The following MED16 variants were observed in gnomAD, a reference collection of about 807,000 sequenced individuals.
MED16 encodes the protein mediator of RNA polymerase II transcription subunit 16.
Under a neutral mutation model 84.4 loss-of-function variants are expected in MED16, and 81 were observed. The observed-to-expected ratio is 0.96, with a 90% CI of 0.80 to 1.15. The LOEUF is 1.15. Among genes scored for constraint, MED16 ranks in the 50% most tolerant of loss-of-function variants. The probability of loss-of-function intolerance (pLI) is 0.00; values close to 1 mark genes in which losing one functional copy is unlikely to be tolerated. For missense variants in MED16, 1,585 were observed against 1,245.9 expected, an observed-to-expected ratio of 1.27 and a Z score of -4.10; for synonymous variants, 897 against 552.2, an observed-to-expected ratio of 1.62 and a Z score of -8.76.
chr19:878,227 G>A (rs373989880), intron 8 of MED16, among the ~76,000 whole-genome samples: 1 of 71,202 alleles, frequency 1.4e-5, no homozygotes, highest in Admixed American at 1.6e-4. Context: ...GGTTGTCAAT[G>A]CCCACCAGCC....
In MED16 at chr19:883,540, G is replaced by T. The variant is rs145715055; in HGVS notation, c.985+1363C>A. 1.7e-4 allele frequency among the ~76,000 whole-genome samples: 26 copies of T among 152,252 alleles called. No homozygotes were observed. In the East Asian group the frequency reaches 5.0e-3, roughly 29 times the overall value. ...GATGGGTGCGGTGGGGACTGTCCCA[G>T]TGACCCCCAGCTGCCAGGGATGTGA... On this transcript the variant is annotated intron_variant, in intron 6 of 15. Transcript: ENST00000325464.
chr19:871,408 C>T (rs553245749), intron 12 of MED16, among the ~76,000 whole-genome samples, 155 bp from the exon 13 acceptor site: 19 of 152,170 alleles, frequency 1.2e-4, no homozygotes, highest in East Asian at 1.9e-4. Flanking sequence ...CTCACCAGGT[C>T]GGGGCCCCGG....
chr19:880,966 G>A (rs966054974), intron 7 of MED16, among the ~76,000 whole-genome samples: 1 of 151,876 alleles, frequency 6.6e-6, no homozygotes. Flanking sequence ...GGAAAATGGA[G>A]CATAAACCAA....
At chr19:874,961 G>C (rs1320123424) in intron 10 of MED16, among the ~76,000 whole-genome samples, 1 of 151,228 alleles carries the variant, frequency 6.6e-6, no homozygotes, top group Non-Finnish European at 1.5e-5. Flanking sequence ...TCAAGAGTTC[G>C]AGACCAGCCT....
At position 880,063 on chromosome 19, in the gene MED16, C is replaced by T. The variant is rs762043487; in HGVS notation, c.1227G>A (p.Ala409=). ...LQTMAVFYSS[A]APRPVDEPAM... is the part of the protein sequence containing the mutation. ...CCGGCTCATCCACAGGCCTCGGGGC[C>T]GCGGAGCTGTAGAAGACGGCCATGG... is the stretch of plus-strand genomic sequence containing the variant. Residue 409 remains alanine (A), a synonymous_variant, in exon 8 of 16, where the codon GCG becomes GCA. Coordinates refer to ENST00000325464, the MANE Select transcript of MED16 (RefSeq NM_005481.3). 6.8e-6 allele frequency: 11 copies of T among 1,611,096 alleles called. No individual in the cohort carries two copies. Among genetic ancestry groups the T allele is most frequent in the African/African-American group, 5.3e-5 (4 of 74,912 alleles).
At position 878,733 on chromosome 19, in the gene MED16, A is replaced by G. The variant is rs867157722; in HGVS notation, c.1353+1204T>C. 9.4e-3 allele frequency among the ~76,000 whole-genome samples: 1,020 copies of G among 108,038 alleles called. 3 individuals are homozygous for G. The highest frequency in any genetic ancestry group is 0.023 in the South Asian group (70 of 3,028). 70.9% of individuals were successfully genotyped at this position (108,038 alleles called of 152,430 possible). On this transcript the variant is annotated intron_variant, in intron 8 of 15. Coordinates refer to ENST00000325464, the MANE Select transcript of MED16 (RefSeq NM_005481.3). ...CGCCTTCCCCTGGTTGTCAATCCCC[A>G]CCAGGGCCAGCCCCACGTGCCCCAG...
At chr19:878,026 C>A (rs1190566903) in intron 8 of MED16, among the ~76,000 whole-genome samples, 1 of 77,768 alleles carries the variant, frequency 1.3e-5, no homozygotes. Flanking sequence ...CCCACCAGCC[C>A]CAGCCCCAGC....
intron 9 of MED16, among the ~76,000 whole-genome samples, chr19:876,206 G>A (rs903464844): frequency 1.3e-5 from 2 of 152,134 alleles, no homozygotes; most frequent in African/African-American, 2.4e-5. Flanking sequence ...AAGCTCAGAG[G>A]GCTGGTCCCA....
intron 8 of MED16, among the ~76,000 whole-genome samples, chr19:879,172 C>T (rs1400398621): frequency 7.2e-4 from 105 of 145,140 alleles, no homozygotes; most frequent in Admixed American, 1.3e-3. Context: ...AGCTCGCCTT[C>T]CCCTGGTTGT....
rs1264537924 is a variant in MED16 at position 892,949 on chromosome 19, C to T, written c.-19+137G>A. ...GCCCCGCGCCCCGCGCCCCAGGCCG[C>T]CTACCCAGCAGCCTTTGCTCCCGGC... On this transcript the variant is annotated intron_variant, in intron 1 of 15. Coordinates refer to ENST00000325464, the MANE Select transcript of MED16 (RefSeq NM_005481.3). 3.3e-5 allele frequency: 5 copies of T among 152,188 alleles called. No homozygotes were observed. In the South Asian group the frequency reaches 8.9e-4, roughly 27 times the overall value. The allele number at this position is 152,188 out of a possible 1,614,324, so 9.4% of individuals were successfully genotyped here.
intron 3 of MED16, 90 bp downstream of exon 3, chr19:890,047 G>T: frequency 9.8e-7 from 1 of 1,024,618 alleles, no homozygotes; most frequent in Middle Eastern, 3.1e-4. Flanking sequence ...TAGACCCAGC[G>T]CCGGACTCCA....
chr19:885,624 T>C, intron 5 of MED16, 146 bp downstream of exon 5: 1 of 959,290 alleles, frequency 1.0e-6, no homozygotes, highest in Non-Finnish European at 1.5e-6. Context: ...AAATGGGTTC[T>C]CCCCTGGAGC....
At chr19:868,973 G>T (rs2035983518) in intron 13 of MED16, 27 bp from the exon 14 acceptor site, 2 of 1,523,146 alleles carry the variant, frequency 1.3e-6, no homozygotes, top group African/African-American at 1.4e-5. Flanking sequence ...GAACGTGAGG[G>T]AGGCCTGGGC....
intron 12 of MED16, chr19:871,520 T>TGCCTCACAGCAGATCCAGAGC: frequency 6.4e-7 from 1 of 1,556,146 alleles, no homozygotes; most frequent in East Asian, 2.3e-5. Flanking sequence ...GCACTGTGCC[T>TGCCTCACAGCAGATCCAGAGC]TTTCCAGACA....
In MED16 at chr19:882,899, C is replaced by T. The variant is rs74394387; in HGVS notation, c.986-1185G>A. On this transcript the variant is annotated intron_variant, in intron 6 of 15. Transcript: ENST00000325464. ...ACCCGTATAGGGGTCCTGTGAGCAG[C>T]ATTCCCTGGGGGGAAACAGGCCCAG... Among the ~76,000 whole-genome samples the T allele has an allele frequency of 9.2e-5, 14 of 152,330 alleles. No individual in the cohort carries two copies. The East Asian group carries it at 2.7e-3, about 29-fold the overall frequency.
chr19:868,743 C>CT, intron 14 of MED16, 120 bp downstream of exon 14: 2 of 1,192,236 alleles, frequency 1.7e-6, no homozygotes, highest in South Asian at 1.5e-5. Flanking sequence ...CCAACACTCC[C>CT]TCTGGGACGT....
intron 2 of MED16, among the ~76,000 whole-genome samples, chr19:890,714 C>T (rs569665012): frequency 3.9e-5 from 6 of 152,340 alleles, no homozygotes; most frequent in South Asian, 2.1e-4. Flanking sequence ...CGTCAACCAA[C>T]GCTCCAGCCC....
At position 877,370 on chromosome 19, in the gene MED16, G is replaced by C. The variant is rs150627779; in HGVS notation, c.1354-190C>G. On this transcript the variant is annotated intron_variant, in intron 8 of 15. Transcript: ENST00000325464. The stretch of plus-strand genomic sequence containing the variant: ...GTCAGGGTCATGCACAATGCCTCTG[G>C]GAACAGGGAAGGAAACCTCCCTGAG... Among the ~76,000 whole-genome samples the C allele has an allele frequency of 5.2e-3, 796 of 152,006 alleles. 6 individuals carry two copies. Among genetic ancestry groups the C allele is most frequent in the African/African-American group, 0.016 (663 of 41,522 alleles).
chr19:888,764 C>G (rs1003006257), intron 4 of MED16, among the ~76,000 whole-genome samples: 1 of 152,150 alleles, frequency 6.6e-6, no homozygotes, highest in African/African-American at 2.4e-5. Context: ...GCCGGTGCTG[C>G]GTGTACTGCG....
Sources: allele counts gnomAD v4.1 joint callset (sites outside exome capture counted in the v4.1 genomes callset), GRCh38; gene constraint gnomAD v4.1.1; transcripts MANE v1.5; gene names NCBI Gene and HGNC (gene_info 2026-07-23, HGNC 2026-07-21).